CCDC93: variants seen among roughly 807,000 people sequenced by gnomAD.
CCDC93 encodes the protein CCC complex scaffolding subunit CCDC93.
A neutral mutation model predicts 108.2 loss-of-function variants in CCDC93; 61 were observed. The ratio of observed to expected loss-of-function variants is 0.56; its 90% CI spans 0.46 to 0.70. The LOEUF (loss-of-function observed/expected upper bound fraction) is 0.70, where lower values mean the gene tolerates loss of function less well. CCDC93 is among the 30% of genes least tolerant of loss of function. The probability of loss-of-function intolerance (pLI) is 0.00; values close to 1 mark genes in which losing one functional copy is unlikely to be tolerated. For missense variants in CCDC93, 685 were observed against 764.2 expected (o/e 0.90, Z 1.22); for synonymous variants, 276 against 260.4 (o/e 1.06, Z -0.58).
chr2:117,941,431 C>A lies in CCDC93; in HGVS notation c.1414-134G>T. ...CTACAATGCAGGCACAAACTCCTGC[C>A]ATGGGCTTAAAGGTCCCCATCTCAG... is the stretch of plus-strand genomic sequence containing the variant. On this transcript the variant is annotated intron_variant, in intron 18 of 23. Coordinates refer to ENST00000376300, the MANE Select transcript of CCDC93 (RefSeq NM_019044.5). 4.6e-6 allele frequency: 3 copies of A among 657,078 alleles called. No homozygotes were observed. The East Asian group carries it at 8.2e-5, about 18-fold the overall frequency. The allele number at this position is 657,078 out of a possible 1,614,324, so 40.7% of individuals were successfully genotyped here.
rs887071426 is a variant in CCDC93 at position 117,950,153 on chromosome 2, G to A, written c.1069-758C>T. 3.0e-6 allele frequency: 3 copies of A among 985,200 alleles called. No individual in the cohort carries two copies. The African/African-American group carries it at 5.2e-5, about 17-fold the overall frequency. The allele number at this position is 985,200 out of a possible 1,614,324, so 61.0% of individuals were successfully genotyped here. A position where few individuals can be genotyped will look rare whatever the true frequency, so the allele number is the denominator to read the frequency against. ...CTTCCAGAATAAACACAGGAAGTGG[G>A]CTGCATAAAATGCATGGATCCACAG... On this transcript the variant is annotated intron_variant, in intron 13 of 23. Coordinates refer to ENST00000376300, the MANE Select transcript of CCDC93 (RefSeq NM_019044.5).
intron 22 of CCDC93, chr2:117,934,776 C>T (rs1216001648): frequency 6.6e-6 from 1 of 152,184 alleles, no homozygotes; most frequent in Admixed American, 6.6e-5. Context: ...CCCAACGTCC[C>T]CGGAAGATTT....
At chr2:117,972,152 A>C (rs114657863) in intron 11 of CCDC93, among the ~76,000 whole-genome samples, 595 of 152,348 alleles carry the variant, frequency 3.9e-3, no homozygotes, top group Non-Finnish European at 6.3e-3. Context: ...TGGTTGGGAA[A>C]AAATCCACAT....
At chr2:117,957,830 A>T (rs1679266439) in intron 12 of CCDC93, among the ~76,000 whole-genome samples, 1 of 152,154 alleles carries the variant, frequency 6.6e-6, no homozygotes, top group African/African-American at 2.4e-5. Context: ...ACCTGAGGCT[A>T]GGTCAGGTCT....
chr2:117,921,289 T>A (rs1677862620), intron 23 of CCDC93, among the ~76,000 whole-genome samples: 1 of 152,096 alleles, frequency 6.6e-6, no homozygotes, highest in African/African-American at 2.4e-5. Flanking sequence ...ATCCTCTGCC[T>A]GTAGAATCTG....
At chr2:117,944,856 A>G in intron 17 of CCDC93, 1 of 468,772 alleles carries the variant, frequency 2.1e-6, no homozygotes, top group Non-Finnish European at 4.4e-6. Context: ...AGATGCTTAC[A>G]GTTTTCCTGC....
In CCDC93 at chr2:117,916,181, A is replaced by G. The variant is rs1194439997; in HGVS notation, c.*4162T>C. On this transcript the variant is annotated 3_prime_UTR_variant, in exon 24 of 24. Coordinates refer to ENST00000376300, the MANE Select transcript of CCDC93 (RefSeq NM_019044.5). ...ACCACCGTATCTAGTGCTGCCACCC[A>G]CAGCCTTGCACTGTGGTCCCACTTC... 6.6e-6 allele frequency: 1 copy of G among 152,114 alleles called. No individual in the cohort carries two copies. The highest frequency in any genetic ancestry group is 1.5e-5 in the Non-Finnish European group (1 of 68,028). 9.4% of individuals were successfully genotyped at this position (152,114 alleles called of 1,614,324 possible).
Position 117,920,281 on chromosome 2 carries a change from T to C in CCDC93, c.*62A>G, listed in dbSNP as rs551845085. The C allele has an allele frequency of 5.9e-5, 65 of 1,099,724 alleles. 2 individuals are homozygous for C. Among genetic ancestry groups the C allele is most frequent in the East Asian group, 5.0e-4 (21 of 42,012 alleles). 68.1% of individuals were successfully genotyped at this position (1,099,724 alleles called of 1,614,324 possible). ...TCGCTTTCAGAACCATTTCATGATC[T>C]TGTAGGTGATATACGGTGCTTAAAA... On this transcript the variant is annotated 3_prime_UTR_variant, in exon 24 of 24. Coordinates refer to ENST00000376300, the MANE Select transcript of CCDC93 (RefSeq NM_019044.5).
intron 21 of CCDC93, 169 bp downstream of exon 21, chr2:117,936,533 A>G (rs1300281759): frequency 3.1e-6 from 2 of 650,238 alleles, no homozygotes; most frequent in Non-Finnish European, 5.6e-6. Flanking sequence ...GTACTCAAGG[A>G]GAGTGTAAAC....
intron 2 of CCDC93, among the ~76,000 whole-genome samples, chr2:118,008,316 G>C (rs984154941): frequency 2.0e-5 from 3 of 152,114 alleles, no homozygotes; most frequent in Admixed American, 6.5e-5. Flanking sequence ...TTGCTTCTTT[G>C]CATTTCCTAA....
chr2:117,966,958 A>G (rs894660457), intron 11 of CCDC93, among the ~76,000 whole-genome samples: 6 of 152,220 alleles, frequency 3.9e-5, no homozygotes, highest in African/African-American at 1.4e-4. Context: ...AATGAGATCA[A>G]GATGTTGACA....
chr2:117,977,512 C>T (rs1679981031), intron 8 of CCDC93, among the ~76,000 whole-genome samples: 1 of 152,226 alleles, frequency 6.6e-6, no homozygotes, highest in Admixed American at 6.5e-5. Context: ...TTAATAAACA[C>T]ATAAATTAAC....
chr2:118,011,468 T>C (rs953386680), intron 1 of CCDC93, among the ~76,000 whole-genome samples: 3 of 152,140 alleles, frequency 2.0e-5, no homozygotes, highest in Admixed American at 6.5e-5. Context: ...TTCTCTCCCT[T>C]CTGCAAAAAA....
chr2:117,989,597 C>G (rs969590845), intron 6 of CCDC93, among the ~76,000 whole-genome samples: 1 of 152,170 alleles, frequency 6.6e-6, no homozygotes, highest in Non-Finnish European at 1.5e-5. Flanking sequence ...TGAATGAATA[C>G]ATGGAGTCAA....
chr2:118,010,384 T>C (rs1313294124), intron 1 of CCDC93, among the ~76,000 whole-genome samples: 1 of 152,174 alleles, frequency 6.6e-6, no homozygotes, highest in Non-Finnish European at 1.5e-5. Context: ...CTACCTTTCC[T>C]CTCTTCCTTT....
At chr2:117,975,065 A>C in intron 9 of CCDC93, 123 bp downstream of exon 9, 2 of 1,045,644 alleles carry the variant, frequency 1.9e-6, no homozygotes, top group East Asian at 4.8e-5. Context: ...AAGGTGTGAA[A>C]GACCTGCTCA....
At chr2:117,957,729 C>G (rs1399186898) in intron 12 of CCDC93, among the ~76,000 whole-genome samples, 2 of 152,180 alleles carry the variant, frequency 1.3e-5, no homozygotes, top group Non-Finnish European at 2.9e-5. Context: ...CTCCTCTGGT[C>G]TTTGTTCATG....
At chr2:117,946,545 T>C (rs947841737) in intron 16 of CCDC93, among the ~76,000 whole-genome samples, 2 of 152,154 alleles carry the variant, frequency 1.3e-5, no homozygotes, top group African/African-American at 4.8e-5. Flanking sequence ...CCCAGAAACA[T>C]CTCCCTAAAC....
chr2:117,921,078 G>T (rs1385949617), intron 23 of CCDC93, among the ~76,000 whole-genome samples: 1 of 151,438 alleles, frequency 6.6e-6, no homozygotes, highest in East Asian at 2.0e-4. Context: ...TCAGGAGGCT[G>T]AGGCAGGACA....
Sources: allele counts gnomAD v4.1 joint callset (sites outside exome capture counted in the v4.1 genomes callset), GRCh38; gene constraint gnomAD v4.1.1; transcripts MANE v1.5; gene names NCBI Gene and HGNC (gene_info 2026-07-23, HGNC 2026-07-21).